GIT2: variants seen among roughly 807,000 people sequenced by gnomAD.
GIT2 encodes GIT ArfGAP 2.
Under a neutral mutation model 100.3 loss-of-function variants are expected in GIT2, and 32 were observed. The observed-to-expected ratio is 0.32, with a 90% CI of 0.24 to 0.43. The LOEUF (loss-of-function observed/expected upper bound fraction) is 0.43. Ranked by LOEUF, GIT2 falls within the 20% of genes least tolerant of loss-of-function variation. GIT2 has a pLI of 1.00. For missense variants in GIT2, 737 were observed against 975.1 expected, an observed-to-expected ratio of 0.76 and a Z score of 3.25; for synonymous variants, 353 against 364.1, an observed-to-expected ratio of 0.97 and a Z score of 0.35.
At chr12:109,973,367 C>T (rs1190771280) in intron 7 of GIT2, among the ~76,000 whole-genome samples, 2 of 152,036 alleles carry the variant, frequency 1.3e-5, no homozygotes, top group African/African-American at 4.8e-5. Flanking sequence ...TCTCTAACTC[C>T]CCACCTCAAA....
At chr12:109,993,586 A>G (rs775960484) in intron 1 of GIT2, among the ~76,000 whole-genome samples, 2 of 152,224 alleles carry the variant, frequency 1.3e-5, no homozygotes, top group Non-Finnish European at 2.9e-5. Flanking sequence ...GAGAACAATG[A>G]CAAATCTCGG....
chr12:109,980,853 ATGTTACAGCAGAGG>A, intron 7 of GIT2, 85 bp downstream of exon 7: 1 of 756,830 alleles, frequency 1.3e-6, no homozygotes, highest in Non-Finnish European at 2.4e-6. Context: ...TCTCAGTGAT[ATGTTACAGCAGAGG>A]AGGTAATAAC....
At chr12:109,973,972 G>C (rs944735565) in intron 7 of GIT2, among the ~76,000 whole-genome samples, 3 of 150,606 alleles carry the variant, frequency 2.0e-5, no homozygotes, top group Non-Finnish European at 4.5e-5. Flanking sequence ...AACCTGGGAG[G>C]GGGAGGTTGC....
At chr12:109,943,163 A>G (rs971722205) in intron 16 of GIT2, 23 of 152,332 alleles carry the variant, frequency 1.5e-4, no homozygotes, top group African/African-American at 4.3e-4. Flanking sequence ...AGTCCTTGCA[A>G]TGATTTTTAA....
chr12:109,961,528 A>G, intron 10 of GIT2, 85 bp downstream of exon 10: 1 of 984,424 alleles, frequency 1.0e-6, no homozygotes, highest in South Asian at 1.3e-5. Flanking sequence ...GACAGCAGAA[A>G]TTGGACTAGT....
rs894880382 is a variant in GIT2 at position 109,932,753 on chromosome 12, G to A, written c.*225C>T. 2.0e-6 allele frequency: 1 copy of A among 500,122 alleles called. No individual in the cohort carries two copies. The highest frequency in any genetic ancestry group is 3.6e-6 in the Non-Finnish European group (1 of 276,756). 31.0% of individuals were successfully genotyped at this position (500,122 alleles called of 1,614,324 possible). On this transcript the variant is annotated 3_prime_UTR_variant, in exon 20 of 20. Coordinates refer to ENST00000355312, the MANE Select transcript of GIT2 (RefSeq NM_057169.5). ...CTCAACAGTTGTTGACAACACAACC[G>A]AACATCAGAAACTAAACCAGCAAAT...
At chr12:109,977,688 G>A (rs1471017990) in intron 7 of GIT2, among the ~76,000 whole-genome samples, 1 of 152,054 alleles carries the variant, frequency 6.6e-6, no homozygotes, top group Non-Finnish European at 1.5e-5. Context: ...CGGGCATGGT[G>A]GCAGGCACGT....
chr12:109,962,021 G>C lies in GIT2; in HGVS notation c.817-336C>G, dbSNP rs1881221207. 6.6e-6 allele frequency among the ~76,000 whole-genome samples: 1 copy of C among 152,172 alleles called. No individual in the cohort carries two copies. Among genetic ancestry groups the C allele is most frequent in the Non-Finnish European group, 1.5e-5 (1 of 68,040 alleles). ...TAAGCCTCCTTTTCTGCACTTAAAA[G>C]TGCTTATCAGTTCCCCAAAGTATAA... is the stretch of plus-strand genomic sequence containing the variant. On this transcript the variant is annotated intron_variant, in intron 9 of 19. Coordinates refer to ENST00000355312, the MANE Select transcript of GIT2 (RefSeq NM_057169.5). The surrounding 1 kb of genome is among the most constrained non-coding windows in gnomAD (Gnocchi z 4.3).
chr12:109,965,828 C>T (rs1882204101), intron 8 of GIT2: 2 of 620,708 alleles, frequency 3.2e-6, no homozygotes, highest in Non-Finnish European at 6.0e-6. Flanking sequence ...AACTAAACGA[C>T]AAAAGCTATT....
chr12:109,938,881 G>A, intron 17 of GIT2: 1 of 488,614 alleles, frequency 2.0e-6, no homozygotes, highest in South Asian at 2.9e-5. Context: ...AATGCAGAAT[G>A]TAACCTAATG....
intron 16 of GIT2, among the ~76,000 whole-genome samples, chr12:109,943,840 C>T (rs1338596521): frequency 1.3e-5 from 2 of 151,922 alleles, no homozygotes; most frequent in Non-Finnish European, 2.9e-5. Context: ...TACAGGTGCA[C>T]ATCAACACAC....
intron 8 of GIT2, among the ~76,000 whole-genome samples, chr12:109,967,140 CT>C (rs565643086): frequency 2.9e-3 from 444 of 152,198 alleles, no homozygotes; most frequent in Middle Eastern, 0.017. Flanking sequence ...CTGCCAACCC[CT>C]GTCATAGATA....
At chr12:109,994,075 C>CAAAAAAAAAAAAAAAAAAAAAAAAAA (rs34393850) in intron 1 of GIT2, among the ~76,000 whole-genome samples, 2 of 59,692 alleles carry the variant, frequency 3.4e-5, no homozygotes, top group Non-Finnish European at 7.3e-5. Context: ...ACACTAATGG[C>CAAAAAAAAAAAAAAAAAAAAAAAAAA]AAAAAAAAAA....
Position 109,939,564 on chromosome 12 carries a change from A to G in GIT2, c.1732-317T>C, listed in dbSNP as rs546635740. On this transcript the variant is annotated intron_variant, in intron 16 of 19. Transcript: ENST00000355312. ...TATAACATAATGAGATGCAGTTAAA[A>G]TACAGGCAGGGTGTGGTGGCTCACA... The G allele has an allele frequency of 2.4e-5, 5 of 209,892 alleles. No individual in the cohort carries two copies. The South Asian group carries it at 3.2e-4, about 13-fold the overall frequency. 13.0% of individuals were successfully genotyped at this position (209,892 alleles called of 1,614,324 possible).
chr12:109,961,347 G>A lies in GIT2; in HGVS notation c.918C>T (p.Ala306=), dbSNP rs757466557. ...GGACGACCGTTGTCTCGGTTACCAG[G>A]GCGCTGTGGTTTTGCGTGGCAAGCC... ...AVWLATQNHS[A]LVTETTVVPF... Residue 306 remains alanine (A), a synonymous_variant, in exon 11 of 20, where the codon GCC becomes GCT. Coordinates refer to ENST00000355312, the MANE Select transcript of GIT2 (RefSeq NM_057169.5). 6.8e-6 allele frequency: 11 copies of A among 1,613,466 alleles called. No individual in the cohort carries two copies. The highest frequency in any genetic ancestry group is 9.3e-6 in the Non-Finnish European group (11 of 1,179,438).
chr12:109,977,357 A>G (rs556023388), intron 7 of GIT2, among the ~76,000 whole-genome samples: 60 of 152,222 alleles, frequency 3.9e-4, no homozygotes, highest in Non-Finnish European at 7.1e-4. Flanking sequence ...CAAAAAATAC[A>G]AAAGTTATCT....
At position 109,947,274 on chromosome 12, in the gene GIT2, G is replaced by A. The variant is rs2063388; in HGVS notation, c.1623C>T (p.Leu541=). The A allele has an allele frequency of 1.9e-6, 3 of 1,613,688 alleles. No individual in the cohort carries two copies. Among genetic ancestry groups the A allele is most frequent in the East Asian group, 2.2e-5 (1 of 44,862 alleles). Residue 541 remains leucine (L), a synonymous_variant, in exon 15 of 20, where the codon CTC becomes CTT. Transcript: ENST00000355312. This position sits in a 1 kb window ranked among gnomAD's most constrained non-coding sequence, Gnocchi z 4.3. ...TACTTACGTGCGCGGGGAAGGGCTGGAGTCTCATCCTGCTCTCTTCGGGGC... is the reference window on the plus strand; with the variant it reads ...TACTTACGTGCGCGGGGAAGGGCTGAAGTCTCATCCTGCTCTCTTCGGGGC... ...ASRPEESRMR[L]QPFPAHIGRS... is the part of the protein sequence containing the mutation.
At chr12:109,955,733 A>T (rs889611503) in intron 12 of GIT2, among the ~76,000 whole-genome samples, 1 of 151,986 alleles carries the variant, frequency 6.6e-6, no homozygotes, top group African/African-American at 2.4e-5. Context: ...TTTTTTATTG[A>T]GACAGGGTCT....
At chr12:109,983,527 G>A (rs2136826908) in intron 5 of GIT2, 24 bp from the exon 6 acceptor site, 1 of 1,611,134 alleles carries the variant, frequency 6.2e-7, no homozygotes, top group Non-Finnish European at 8.5e-7. Context: ...ATAAAAAGTA[G>A]GCAAAAGAGC....
Sources: allele counts gnomAD v4.1 joint callset (sites outside exome capture counted in the v4.1 genomes callset), GRCh38; gene constraint gnomAD v4.1.1; non-coding constraint Gnocchi (gnomAD v3.1); transcripts MANE v1.5; gene names NCBI Gene and HGNC (gene_info 2026-07-23, HGNC 2026-07-21).